The following PPARG variants were observed in gnomAD, a reference collection of about 807,000 sequenced individuals.
PPARG encodes the protein peroxisome proliferator-activated receptor gamma.
PPARG carries 17 observed loss-of-function variants against 39.2 expected under a neutral mutation model. The observed-to-expected ratio is 0.43, with a 90% CI of 0.30 to 0.65. PPARG has a LOEUF of 0.65. Among genes scored for constraint, PPARG ranks in the 30% least tolerant of loss-of-function variants. PPARG has a pLI of 0.13. For missense variants in PPARG, 406 were observed against 585.9 expected (o/e 0.69, Z 3.17); for synonymous variants, 223 against 215.7 (o/e 1.03, Z -0.30).
chr3:12,289,680 A>G (rs2046600362), intron 1 of PPARG, among the ~76,000 whole-genome samples: 1 of 152,170 alleles, frequency 6.6e-6, no homozygotes, highest in Non-Finnish European at 1.5e-5. Context: ...AACAGAACCA[A>G]CTGATGGTGC....
chr3:12,412,560 TG>T (rs2050913357), intron 6 of PPARG, among the ~76,000 whole-genome samples: 1 of 152,224 alleles, frequency 6.6e-6, no homozygotes, highest in Non-Finnish European at 1.5e-5. Context: ...GAAATCATTT[TG>T]CTTTCCTGGA....
At chr3:12,391,535 T>C (rs1171870158) in intron 4 of PPARG, among the ~76,000 whole-genome samples, 2 of 152,142 alleles carry the variant, frequency 1.3e-5, no homozygotes, top group Admixed American at 6.5e-5. Flanking sequence ...TTTCAAGGAT[T>C]TTGGCTTGAG....
intron 7 of PPARG, among the ~76,000 whole-genome samples, chr3:12,428,305 C>T (rs1464584949): frequency 6.6e-6 from 1 of 152,250 alleles, no homozygotes; most frequent in Non-Finnish European, 1.5e-5. Context: ...GGAAAGGTTT[C>T]TTTCCCAATT....
chr3:12,413,530 C>T (rs1037563790), intron 6 of PPARG, among the ~76,000 whole-genome samples: 6 of 152,080 alleles, frequency 3.9e-5, no homozygotes, highest in African/African-American at 2.4e-5. Flanking sequence ...GGAATGGGGC[C>T]GGGCATGGTG....
At chr3:12,401,114 T>C (rs541353338) in intron 5 of PPARG, among the ~76,000 whole-genome samples, 2 of 152,296 alleles carry the variant, frequency 1.3e-5, no homozygotes, top group South Asian at 4.1e-4. Flanking sequence ...TGACCCCCAA[T>C]GCAGAATGTT....
At chr3:12,366,505 AT>A (rs2125132048) in intron 2 of PPARG, among the ~76,000 whole-genome samples, 1 of 152,264 alleles carries the variant, frequency 6.6e-6, no homozygotes, top group African/African-American at 2.4e-5. Context: ...GAGAGAAGAT[AT>A]CCTTGCCTTA....
At chr3:12,309,333 A>G (rs1457771544) in intron 1 of PPARG, among the ~76,000 whole-genome samples, 1 of 152,214 alleles carries the variant, frequency 6.6e-6, no homozygotes, top group Non-Finnish European at 1.5e-5. Flanking sequence ...TTTTTGACCT[A>G]GTGCTGTGAC....
chr3:12,383,278 A>G (rs1012045801), intron 4 of PPARG, among the ~76,000 whole-genome samples: 6 of 152,190 alleles, frequency 3.9e-5, no homozygotes, highest in Admixed American at 6.5e-5. Context: ...CTTTCATTTA[A>G]AACACTAAAA....
At position 12,426,401 on chromosome 3, in the gene PPARG, A is replaced by G. The variant is rs557717562; in HGVS notation, c.1181-7497A>G. Among the ~76,000 whole-genome samples, 33 of 152,332 alleles carry G rather than the reference A, an allele frequency of 2.2e-4. 1 individual carries two copies. The highest frequency in any genetic ancestry group is 4.4e-4 in the Non-Finnish European group (30 of 68,032). On this transcript the variant is annotated intron_variant, in intron 7 of 7. Coordinates refer to ENST00000651735, the MANE Select transcript of PPARG (RefSeq NM_138711.6). ...ATCCCCTTTCCCTGAAAGCAGCAGC[A>G]GTAAACGACATTGCTCCTCAAATCA...
chr3:12,367,444 T>C (rs986053134), intron 2 of PPARG, among the ~76,000 whole-genome samples: 10 of 152,158 alleles, frequency 6.6e-5, no homozygotes, highest in African/African-American at 1.9e-4. Flanking sequence ...GAAATGTTTA[T>C]ATTGGTGAGG....
chr3:12,394,247 T>A (rs183849048), intron 5 of PPARG, among the ~76,000 whole-genome samples: 1 of 152,336 alleles, frequency 6.6e-6, no homozygotes, highest in East Asian at 1.9e-4. Flanking sequence ...TTAACACTAA[T>A]TTTTGCCTAT....
chr3:12,406,412 C>T (rs1216621256), intron 6 of PPARG: 5 of 361,702 alleles, frequency 1.4e-5, no homozygotes, highest in Non-Finnish European at 2.6e-5. Flanking sequence ...ATCAAAATAA[C>T]TGGCCACAGC....
intron 4 of PPARG, among the ~76,000 whole-genome samples, chr3:12,381,999 C>T (rs2049685592): frequency 6.6e-6 from 1 of 152,024 alleles, no homozygotes; most frequent in African/African-American, 2.4e-5. Context: ...TTTATATATG[C>T]ATATCTTTGG....
chr3:12,429,249 A>T (rs2051566352), intron 7 of PPARG, among the ~76,000 whole-genome samples: 1 of 152,126 alleles, frequency 6.6e-6, no homozygotes, highest in African/African-American at 2.4e-5. Context: ...TGAAAATCCA[A>T]ACCAGATCCC....
intron 4 of PPARG, among the ~76,000 whole-genome samples, chr3:12,384,989 A>T (rs968477017): frequency 1.3e-5 from 2 of 152,208 alleles, no homozygotes; most frequent in African/African-American, 4.8e-5. Context: ...GAAGAAATGC[A>T]GTTACTCATT....
At position 12,345,504 on chromosome 3, in the gene PPARG, C is replaced by T. The variant is rs2048301213; in HGVS notation, c.-9+33051C>T. Among the ~76,000 whole-genome samples the T allele has an allele frequency of 2.0e-5, 3 of 152,156 alleles. No individual in the cohort carries two copies. In the South Asian group the frequency reaches 6.2e-4, roughly 32 times the overall value. On this transcript the variant is annotated intron_variant, in intron 2 of 7. Coordinates refer to ENST00000651735, the MANE Select transcript of PPARG (RefSeq NM_138711.6). ...AACTGATTTGAACGTCTTACTGCAT[C>T]ATTTTAATGAGATAGAGCATCGTTT...
intron 2 of PPARG, among the ~76,000 whole-genome samples, chr3:12,324,731 A>T (rs1486779825): frequency 6.6e-6 from 1 of 152,214 alleles, no homozygotes; most frequent in Non-Finnish European, 1.5e-5. Flanking sequence ...CTAAAATTAG[A>T]GTTAATATCT....
intron 1 of PPARG, among the ~76,000 whole-genome samples, chr3:12,290,574 G>A (rs1232552344): frequency 1.3e-5 from 2 of 151,946 alleles, no homozygotes; most frequent in Admixed American, 1.3e-4. Context: ...AAATTCCTAT[G>A]ACATTTAAAA....
chr3:12,325,842 G>A (rs1341781278), intron 2 of PPARG, among the ~76,000 whole-genome samples: 2 of 151,722 alleles, frequency 1.3e-5, no homozygotes, highest in African/African-American at 2.4e-5. Flanking sequence ...GACTGACAGT[G>A]GAAATCATAG....
Sources: allele counts gnomAD v4.1 joint callset (sites outside exome capture counted in the v4.1 genomes callset), GRCh38; gene constraint gnomAD v4.1.1; transcripts MANE v1.5; gene names NCBI Gene and HGNC (gene_info 2026-07-23, HGNC 2026-07-21).